KCTD16: variants seen among roughly 807,000 people sequenced by gnomAD.
The protein encoded by KCTD16 is potassium channel tetramerization domain containing 16, also known as BTB/POZ domain-containing protein KCTD16.
KCTD16 carries 13 observed loss-of-function variants against 33.2 expected under a neutral mutation model. The ratio of observed to expected loss-of-function variants is 0.39; its 90% CI spans 0.25 to 0.62. The LOEUF (loss-of-function observed/expected upper bound fraction) is 0.62. Ranked by LOEUF, KCTD16 falls within the 20% of genes least tolerant of loss-of-function variation. The pLI, the probability that KCTD16 is intolerant of heterozygous loss-of-function variation, is 0.50. For missense variants in KCTD16, 441 were observed against 525.1 expected, an observed-to-expected ratio of 0.84 and a Z score of 1.57; for synonymous variants, 197 against 195.3, an observed-to-expected ratio of 1.01 and a Z score of -0.07.
rs532167875 is a variant in KCTD16, at chr5:144,243,373, C to G, written c.832+35827C>G. 4.6e-5 allele frequency among the ~76,000 whole-genome samples: 7 copies of G among 152,274 alleles called. 1 individual carries two copies. In the South Asian group the frequency reaches 1.0e-3, roughly 23 times the overall value. Reference sequence around the variant, plus strand: ...TAAGGAGAGGGAAGTTGTGCTCCTCCTCAAGGGGAGAATATCAGCATAAAT... The same window carrying G: ...TAAGGAGAGGGAAGTTGTGCTCCTCGTCAAGGGGAGAATATCAGCATAAAT... On this transcript the variant is annotated intron_variant, in intron 3 of 3. Coordinates refer to ENST00000512467, the MANE Select transcript of KCTD16 (RefSeq NM_020768.4).
At chr5:144,447,468 G>A (rs1044621706) in intron 3 of KCTD16, among the ~76,000 whole-genome samples, 4 of 151,872 alleles carry the variant, frequency 2.6e-5, no homozygotes, top group African/African-American at 9.7e-5. Context: ...ATGATGGGTT[G>A]GTGGGTGCAG....
intron 3 of KCTD16, among the ~76,000 whole-genome samples, chr5:144,311,314 T>G (rs1052180506): frequency 6.6e-6 from 1 of 152,170 alleles, no homozygotes; most frequent in Non-Finnish European, 1.5e-5. Context: ...AGTAGTAGTA[T>G]CTAACTTATT....
intron 2 of KCTD16, among the ~76,000 whole-genome samples, chr5:144,176,304 A>G (rs1387751626): frequency 6.6e-6 from 1 of 151,938 alleles, no homozygotes; most frequent in Admixed American, 6.5e-5. Flanking sequence ...TGTGGAAAAT[A>G]TATTTATTGG....
chr5:144,213,621 C>T (rs953648453), intron 3 of KCTD16, among the ~76,000 whole-genome samples: 3 of 152,158 alleles, frequency 2.0e-5, no homozygotes, highest in Non-Finnish European at 4.4e-5. Flanking sequence ...ATCAAATTCA[C>T]TCAGTATTTC....
At chr5:144,428,911 T>C (rs1753395106) in intron 3 of KCTD16, among the ~76,000 whole-genome samples, 1 of 152,204 alleles carries the variant, frequency 6.6e-6, no homozygotes, top group African/African-American at 2.4e-5. Context: ...TTTATCTTCT[T>C]TTCTCCAACT....
rs150208471 is a variant in KCTD16, at chr5:144,202,166, C to T, written c.-326-4223C>T. 7.2e-5 allele frequency among the ~76,000 whole-genome samples: 11 copies of T among 152,214 alleles called. No homozygotes were observed. The East Asian group carries it at 1.4e-3, about 19-fold the overall frequency. ...TCTTCCTCTAAGAGAAATCTGTTGC[C>T]GTATGCTGTTCAGCCTTCAGTCCGG... On this transcript the variant is annotated intron_variant, in intron 2 of 3. Coordinates refer to ENST00000512467, the MANE Select transcript of KCTD16 (RefSeq NM_020768.4).
At chr5:144,453,770 G>A (rs903361596) in intron 3 of KCTD16, among the ~76,000 whole-genome samples, 1 of 152,066 alleles carries the variant, frequency 6.6e-6, no homozygotes, top group Non-Finnish European at 1.5e-5. Flanking sequence ...ATAGAAGAGG[G>A]CTGCCTCCAT....
At chr5:144,436,596 T>TA (rs1398183420) in intron 3 of KCTD16, among the ~76,000 whole-genome samples, 1 of 151,778 alleles carries the variant, frequency 6.6e-6, no homozygotes, top group East Asian at 1.9e-4. Context: ...ACTTCTTTTT[T>TA]TTTTTTTTGA....
At chr5:144,258,979 C>T (rs1389412397) in intron 3 of KCTD16, among the ~76,000 whole-genome samples, 1 of 152,078 alleles carries the variant, frequency 6.6e-6, no homozygotes, top group South Asian at 2.1e-4. Flanking sequence ...AGGGATGAGG[C>T]CGGGTGCGGT....
chr5:144,373,670 A>G (rs1409243927), intron 3 of KCTD16, among the ~76,000 whole-genome samples: 2 of 152,158 alleles, frequency 1.3e-5, no homozygotes, highest in Non-Finnish European at 2.9e-5. Context: ...GATCTTTGTC[A>G]TTCTTTTTAA....
At chr5:144,392,217 G>A (rs564314387) in intron 3 of KCTD16, among the ~76,000 whole-genome samples, 57 of 152,254 alleles carry the variant, frequency 3.7e-4, no homozygotes, top group African/African-American at 1.3e-3. Flanking sequence ...CAGGAGCAAT[G>A]CAGGGGGAAA....
chr5:144,402,888 G>A (rs892545252), intron 3 of KCTD16, among the ~76,000 whole-genome samples: 16 of 152,304 alleles, frequency 1.1e-4, no homozygotes, highest in Admixed American at 5.9e-4. Context: ...GTTACCGTTT[G>A]GAGGTTAGAA....
intron 3 of KCTD16, among the ~76,000 whole-genome samples, chr5:144,260,397 T>C (rs1754973418): frequency 6.6e-6 from 1 of 152,058 alleles, no homozygotes; most frequent in Non-Finnish European, 1.5e-5. Flanking sequence ...AAGGGTAAAG[T>C]AGTTAAAGAA....
intron 3 of KCTD16, among the ~76,000 whole-genome samples, chr5:144,418,463 A>T (rs1252516367): frequency 5.9e-5 from 9 of 152,288 alleles, no homozygotes; most frequent in African/African-American, 2.2e-4. Flanking sequence ...ACAAACCTTT[A>T]GCAAGACACA....
chr5:144,471,631 A>T (rs1561620495), intron 3 of KCTD16, among the ~76,000 whole-genome samples: 1 of 152,214 alleles, frequency 6.6e-6, no homozygotes, highest in Non-Finnish European at 1.5e-5. Context: ...AAGGTAAAAA[A>T]TGATCCCCTC....
intron 3 of KCTD16, among the ~76,000 whole-genome samples, chr5:144,209,848 GTATA>G (rs1313507118): frequency 6.9e-6 from 1 of 143,954 alleles, no homozygotes; most frequent in African/African-American, 2.6e-5. Context: ...ATTTATATGT[GTATA>G]TATATACACA....
In KCTD16 at chr5:144,473,978, C is replaced by T; in HGVS notation, c.1151C>T (p.Ala384Val). The T allele has an allele frequency of 6.2e-7, 1 of 1,613,970 alleles. No homozygotes were observed. Among genetic ancestry groups the T allele is most frequent in the Non-Finnish European group, 8.5e-7 (1 of 1,179,950 alleles). The change falls in exon 4 of 4, where the codon GCT (alanine) becomes GTT (valine). Residue 384 changes from alanine to valine, a missense_variant. By Grantham distance (64) the Ala-to-Val change is moderately conservative. Coordinates refer to ENST00000512467, the MANE Select transcript of KCTD16 (RefSeq NM_020768.4). ...RESNMSSKKK[A>V]VKEKLSIEEE... ...TCGAACATGAGCAGCAAAAAAAAAG[C>T]TGTTAAAGAAAAGCTCTCAATTGAG...
intron 3 of KCTD16, among the ~76,000 whole-genome samples, chr5:144,359,815 G>C (rs958744765): frequency 3.9e-5 from 6 of 151,936 alleles, no homozygotes; most frequent in Non-Finnish European, 8.8e-5. Flanking sequence ...TCTTTATCTA[G>C]GGGTCTTATT....
chr5:144,224,530 C>G (rs1475410847), intron 3 of KCTD16, among the ~76,000 whole-genome samples: 1 of 151,898 alleles, frequency 6.6e-6, no homozygotes, highest in Non-Finnish European at 1.5e-5. Context: ...TCCCTCATAC[C>G]AGCCCTATTC....
Sources: gnomAD v4.1 joint callset for allele counts (sites outside exome capture counted in the v4.1 genomes callset) on GRCh38, gnomAD v4.1.1 for gene constraint, MANE v1.5 for transcripts, NCBI Gene and HGNC (gene_info 2026-07-23, HGNC 2026-07-21) for gene names.